LARGE1: variants seen among roughly 807,000 people sequenced by gnomAD.
LARGE1 encodes the protein xylosyl- and glucuronyltransferase LARGE1.
A neutral mutation model predicts 87.6 loss-of-function variants in LARGE1; 43 were observed. That is an observed-to-expected ratio of 0.49 (90% CI 0.38 to 0.63). The LOEUF is 0.63. LARGE1 is among the 30% of genes least tolerant of loss of function. LARGE1 has a pLI of 0.00. For missense variants in LARGE1, 802 were observed against 1,000.2 expected, an observed-to-expected ratio of 0.80 and a Z score of 2.67; for synonymous variants, 434 against 394.6, an observed-to-expected ratio of 1.10 and a Z score of -1.18.
chr22:33,125,665 T>G, the LARGE1 span, among the ~76,000 whole-genome samples: 1 of 152,348 alleles, frequency 6.6e-6, no homozygotes. Context: ...CAAGATGATC[T>G]CGATCTCCTG....
At chr22:33,559,433 C>T (rs978476882) in intron 6 of LARGE1, among the ~76,000 whole-genome samples, 4 of 152,208 alleles carry the variant, frequency 2.6e-5, no homozygotes, top group African/African-American at 4.8e-5. Flanking sequence ...CCACCCCCCT[C>T]GGCCTCCCAA....
At chr22:33,401,679 G>A (rs558651137) in intron 7 of LARGE1, among the ~76,000 whole-genome samples, 10 of 152,280 alleles carry the variant, frequency 6.6e-5, no homozygotes, top group Non-Finnish European at 1.5e-4. Context: ...AGGCAGACAT[G>A]CGCAGAAGTG....
At chr22:33,354,299 T>C (rs1400737471) in intron 9 of LARGE1, among the ~76,000 whole-genome samples, 1 of 152,200 alleles carries the variant, frequency 6.6e-6, no homozygotes, top group Non-Finnish European at 1.5e-5. Flanking sequence ...AAGCCCTCAT[T>C]TCTATATACT....
At chr22:33,686,422 A>C (rs1029907948) in intron 2 of LARGE1, among the ~76,000 whole-genome samples, 2 of 151,980 alleles carry the variant, frequency 1.3e-5, no homozygotes, top group Non-Finnish European at 2.9e-5. Context: ...GCGTGCCTGT[A>C]ATCCCAGCTA....
chr22:33,274,699 T>C (rs561408260), intron 14 of LARGE1, 75 bp from the exon 15 acceptor site: 312 of 1,283,874 alleles, frequency 2.4e-4, no homozygotes, highest in Non-Finnish European at 3.1e-4. Flanking sequence ...AAGCGAATGA[T>C]TGAATGGCTA....
At chr22:33,441,939 T>C (rs1318203293) in intron 6 of LARGE1, among the ~76,000 whole-genome samples, 1 of 152,188 alleles carries the variant, frequency 6.6e-6, no homozygotes, top group Non-Finnish European at 1.5e-5. Context: ...TTTCAGTTTC[T>C]TGATGAAGCA....
intron 6 of LARGE1, among the ~76,000 whole-genome samples, chr22:33,459,709 A>G (rs2068293923): frequency 6.6e-6 from 1 of 151,718 alleles, no homozygotes; most frequent in African/African-American, 2.4e-5. Context: ...TTACACCGCC[A>G]GCCCAGACAG....
downstream of LARGE1, among the ~76,000 whole-genome samples, chr22:33,267,699 C>T (rs1928027411): frequency 6.6e-6 from 1 of 151,072 alleles, no homozygotes; most frequent in Admixed American, 6.6e-5. Flanking sequence ...ATTGCTAGGC[C>T]GCTGCACATA....
chr22:33,714,752 C>T (rs1217539237), intron 2 of LARGE1, among the ~76,000 whole-genome samples: 1 of 152,208 alleles, frequency 6.6e-6, no homozygotes, highest in Non-Finnish European at 1.5e-5. Flanking sequence ...ACAGCAACCA[C>T]ACGCAGGTCT....
chr22:33,274,181 C>A lies in LARGE1; in HGVS notation c.*246G>T. On this transcript the variant is annotated 3_prime_UTR_variant, in exon 15 of 15. Coordinates refer to ENST00000397394, the MANE Select transcript of LARGE1 (RefSeq NM_133642.5). ...CCCTGTCACCCCTTGATTTCCCATT[C>A]TTGAAGAGACTCATCTAGGTGGGCT... is the stretch of plus-strand genomic sequence containing the variant. 1 of 595,446 alleles carries A rather than the reference C, an allele frequency of 1.7e-6. No homozygotes were observed. The highest frequency in any genetic ancestry group is 2.9e-5 in the Admixed American group (1 of 34,056). 36.9% of individuals were successfully genotyped at this position (595,446 alleles called of 1,614,324 possible).
chr22:33,571,246 GT>G (rs1274226358), intron 5 of LARGE1, among the ~76,000 whole-genome samples: 2 of 152,196 alleles, frequency 1.3e-5, no homozygotes, highest in African/African-American at 4.8e-5. Context: ...AAACTGGGGG[GT>G]TGGGGATGCT....
At chr22:33,156,917 C>T in the LARGE1 span, among the ~76,000 whole-genome samples, 2 of 152,144 alleles carry the variant, frequency 1.3e-5, no homozygotes, top group Non-Finnish European at 2.9e-5. Flanking sequence ...TCAAATAAGT[C>T]TTACGAGATC....
chr22:33,828,288 G>C (rs1057188638), intron 1 of LARGE1, among the ~76,000 whole-genome samples: 1 of 152,266 alleles, frequency 6.6e-6, no homozygotes, highest in African/African-American at 2.4e-5. Context: ...CGCTGACACA[G>C]GTGATTGGAT....
chr22:33,490,509 C>T (rs11912191), intron 6 of LARGE1, among the ~76,000 whole-genome samples: 24 of 152,238 alleles, frequency 1.6e-4, no homozygotes, highest in African/African-American at 5.5e-4. Context: ...ACTATTACTA[C>T]TCTAAATAGA....
intron 6 of LARGE1, among the ~76,000 whole-genome samples, chr22:33,446,473 G>T (rs117863037): frequency 6.6e-6 from 1 of 152,178 alleles, no homozygotes; most frequent in South Asian, 2.1e-4. Flanking sequence ...TCTTAAGCCC[G>T]TGCAGCCTGA....
At chr22:33,087,969 TC>T in the LARGE1 span, among the ~76,000 whole-genome samples, 1 of 152,016 alleles carries the variant, frequency 6.6e-6, no homozygotes, top group Non-Finnish European at 1.5e-5. Flanking sequence ...AAATTTAATT[TC>T]TCAGTAACAT....
chr22:33,424,178 G>T (rs1365908980), intron 7 of LARGE1, among the ~76,000 whole-genome samples: 1 of 152,214 alleles, frequency 6.6e-6, no homozygotes, highest in Admixed American at 6.5e-5. Flanking sequence ...TCTGGGGGCA[G>T]GGCCCTGAGG....
chr22:33,268,037 C>T (rs1225506568), downstream of LARGE1, among the ~76,000 whole-genome samples: 1 of 150,920 alleles, frequency 6.6e-6, no homozygotes, highest in Non-Finnish European at 1.5e-5. Context: ...CTCACTGCAA[C>T]CTCCGCCTTC....
chr22:33,482,070 C>A (rs1390011577), intron 6 of LARGE1, among the ~76,000 whole-genome samples: 2 of 152,156 alleles, frequency 1.3e-5, no homozygotes, highest in South Asian at 2.1e-4. Flanking sequence ...GCTCTTAAAT[C>A]TAACTGAAAG....
Sources: allele counts gnomAD v4.1 joint callset (sites outside exome capture counted in the v4.1 genomes callset), GRCh38; gene constraint gnomAD v4.1.1; transcripts MANE v1.5; gene names NCBI Gene and HGNC (gene_info 2026-07-23, HGNC 2026-07-21).